Variants in VWF observed in about 807,000 individuals in gnomAD.
VWF encodes Factor VIII related antigen.
Under a neutral mutation model 308.6 loss-of-function variants are expected in VWF, and 176 were observed. The observed-to-expected ratio is 0.57, with a 90% CI of 0.50 to 0.65. The LOEUF is 0.65. Ranked by LOEUF, VWF falls within the 30% of genes least tolerant of loss-of-function variation. VWF has a pLI of 0.00. For synonymous variants in VWF, 1,385 were observed against 1,443.4 expected (o/e 0.96, Z 0.92); for missense variants, 3,146 against 3,648.2 (o/e 0.86, Z 3.55).
At chr12:6,059,710 G>A (rs1944632563) in intron 13 of VWF, among the ~76,000 whole-genome samples, 1 of 152,154 alleles carries the variant, frequency 6.6e-6, no homozygotes, top group South Asian at 2.1e-4. Context: ...ATCACCTTGG[G>A]GGTTAGGATT....
chr12:6,019,111 T>A lies in VWF; in HGVS notation c.4307A>T (p.Lys1436Met), dbSNP rs761133732. ...ATCCACACTGCTCAGCACGAAGGCC[T>A]TGTTCTCAGGGGCCTGCTTCTCGAT... ...RLIEKQAPENKAFVLSSVDEL... is the reference protein window; with the variant it reads ...RLIEKQAPENMAFVLSSVDEL... The change falls in exon 28 of 52, where the codon AAG becomes ATG. Residue 1436 changes from lysine (K) to methionine (M), a missense_variant. Lys to Met is a moderately conservative substitution (Grantham distance 95). Transcript: ENST00000261405. This position sits in a 1 kb window ranked among gnomAD's most constrained non-coding sequence, Gnocchi z 5.8. The A allele has an allele frequency of 1.9e-5, 30 of 1,613,776 alleles. No individual in the cohort carries two copies. The highest frequency in any genetic ancestry group is 2.5e-5 in the Non-Finnish European group (30 of 1,179,846).
At chr12:5,962,056 G>A (rs1490428366) in intron 47 of VWF, among the ~76,000 whole-genome samples, 2 of 152,052 alleles carry the variant, frequency 1.3e-5, no homozygotes, top group South Asian at 2.1e-4. Flanking sequence ...TGCCTATGAG[G>A]AACAGGCCAT....
At position 6,064,383 on chromosome 12, in the gene VWF, C is replaced by A. The variant is rs779213804; in HGVS notation, c.1295G>T (p.Cys432Phe). Residue 432 changes from cysteine to phenylalanine, a missense_variant and splice_region_variant, in exon 12 of 52, where the codon TGT (cysteine) becomes TTT (phenylalanine). Around this residue, in one of 3 missense-constraint regions of VWF, gnomAD observed 1,304 missense variants for 1,353.0 expected, o/e 0.96. Transcript: ENST00000261405. Reference sequence around the variant, plus strand: ...GCACACAGCGTCGCGGTCATCAGCACACTGCCAAGAGGGAACACAGGGTGA... The same window carrying A: ...GCACACAGCGTCGCGGTCATCAGCAAACTGCCAAGAGGGAACACAGGGTGA... ...SFSIVIETVQ[C>F]ADDRDAVCTR... 1.2e-5 allele frequency: 20 copies of A among 1,613,982 alleles called. No individual in the cohort carries two copies. The highest frequency in any genetic ancestry group is 1.7e-5 in the Non-Finnish European group (20 of 1,180,044).
chr12:6,116,648 C>A (rs1397384279), intron 3 of VWF, among the ~76,000 whole-genome samples: 1 of 152,166 alleles, frequency 6.6e-6, no homozygotes, highest in East Asian at 1.9e-4. Flanking sequence ...GGAGCAGGAA[C>A]CAGGACTCCC....
At chr12:6,061,990 G>A (rs996925075) in intron 13 of VWF, among the ~76,000 whole-genome samples, 5 of 152,160 alleles carry the variant, frequency 3.3e-5, no homozygotes, top group Admixed American at 6.5e-5. Context: ...CTGGCAAACA[G>A]TTACTTTTCC....
At chr12:5,972,765 G>A (rs973080612) in intron 43 of VWF, among the ~76,000 whole-genome samples, 2 of 152,100 alleles carry the variant, frequency 1.3e-5, no homozygotes, top group Admixed American at 1.3e-4. Context: ...TGATGTACTA[G>A]GTACTACGGA....
chr12:6,100,148 A>G (rs1945145071), intron 5 of VWF, among the ~76,000 whole-genome samples: 1 of 152,120 alleles, frequency 6.6e-6, no homozygotes, highest in African/African-American at 2.4e-5. Context: ...AAAAATGCTC[A>G]TCATCACTGG....
intron 38 of VWF, among the ~76,000 whole-genome samples, chr12:5,990,905 AAAAT>A (rs1406328522): frequency 0.019 from 761 of 39,770 alleles, 130 homozygotes; most frequent in African/African-American, 0.059. Flanking sequence ...AAAAAAAAAA[AAAAT>A]TTTGATGACT....
At chr12:5,975,454 CAAG>C (rs1943522483) in intron 43 of VWF, among the ~76,000 whole-genome samples, 1 of 152,128 alleles carries the variant, frequency 6.6e-6, no homozygotes, top group African/African-American at 2.4e-5. Context: ...CCTAAACATG[CAAG>C]AATAGGGCAC....
At chr12:5,996,956 C>T (rs1276817551) in intron 34 of VWF, among the ~76,000 whole-genome samples, 1 of 150,346 alleles carries the variant, frequency 6.7e-6, no homozygotes, top group Non-Finnish European at 1.5e-5. Context: ...TAATCTTGGA[C>T]CTAAGTAAAG....
At chr12:6,052,854 C>T in intron 15 of VWF, 71 bp from the exon 16 acceptor site, 3 of 1,562,552 alleles carry the variant, frequency 1.9e-6, no homozygotes, top group African/African-American at 1.4e-5. Flanking sequence ...CTAGGACTTG[C>T]CACCCCTTGT....
chr12:6,088,349 G>A (rs764452308), intron 6 of VWF, among the ~76,000 whole-genome samples: 10 of 152,074 alleles, frequency 6.6e-5, no homozygotes, highest in Non-Finnish European at 1.2e-4. Flanking sequence ...CGTGGTGACA[G>A]GCGCATGTAG....
intron 6 of VWF, among the ~76,000 whole-genome samples, chr12:6,082,844 T>C (rs566409660): frequency 6.6e-6 from 1 of 152,334 alleles, no homozygotes; most frequent in East Asian, 1.9e-4. Context: ...CTTTTAACAC[T>C]AGTGATGGGG....
At chr12:6,107,540 A>T (rs1180734745) in intron 5 of VWF, among the ~76,000 whole-genome samples, 2 of 152,238 alleles carry the variant, frequency 1.3e-5, no homozygotes, top group Non-Finnish European at 2.9e-5. Context: ...TCAAACAAAC[A>T]CTAACCAAAA....
intron 47 of VWF, among the ~76,000 whole-genome samples, chr12:5,954,724 G>T (rs1231754572): frequency 1.3e-5 from 2 of 152,190 alleles, no homozygotes; most frequent in Non-Finnish European, 2.9e-5. Flanking sequence ...CCTACAAGGA[G>T]CCCAGAGACA....
At chr12:6,123,274 G>T in intron 1 of VWF, 78 bp from the exon 2 acceptor site, 1 of 1,501,696 alleles carries the variant, frequency 6.7e-7, no homozygotes, top group African/African-American at 1.4e-5. Context: ...ATCAGGGCAT[G>T]CAGTAGCAAA....
intron 43 of VWF, among the ~76,000 whole-genome samples, chr12:5,973,238 C>T (rs1486831802): frequency 6.6e-6 from 1 of 152,214 alleles, no homozygotes; most frequent in East Asian, 1.9e-4. Context: ...AATTCCCTCG[C>T]TTATATCGAC....
intron 22 of VWF, among the ~76,000 whole-genome samples, chr12:6,026,700 C>T (rs1295274226): frequency 6.6e-6 from 1 of 152,164 alleles, no homozygotes; most frequent in Non-Finnish European, 1.5e-5. Flanking sequence ...TTCGGTAGCA[C>T]CACAGGGTGA....
At chr12:6,051,775 AT>A (rs374802964) in intron 16 of VWF, among the ~76,000 whole-genome samples, 5 of 150,938 alleles carry the variant, frequency 3.3e-5, no homozygotes, top group Admixed American at 6.6e-5. Context: ...ATGGCCAACT[AT>A]TTTTTTTTCT....
Sources: allele counts gnomAD v4.1 joint callset (sites outside exome capture counted in the v4.1 genomes callset), GRCh38; gene constraint gnomAD v4.1.1; regional missense constraint gnomAD v4.1.1; non-coding constraint Gnocchi (gnomAD v3.1); transcripts MANE v1.5; gene names NCBI Gene and HGNC (gene_info 2026-07-23, HGNC 2026-07-21).